Variants in APPBP2 observed in about 807,000 individuals in gnomAD.
The protein encoded by APPBP2 is amyloid protein-binding protein 2.
A neutral mutation model predicts 76.0 loss-of-function variants in APPBP2; 15 were observed. That is an observed-to-expected ratio of 0.20 (90% CI 0.13 to 0.30). The LOEUF is 0.30. APPBP2 is among the 10% of genes least tolerant of loss of function. The pLI is 1.00. For missense variants in APPBP2, 401 were observed against 687.2 expected, an observed-to-expected ratio of 0.58 and a Z score of 4.66; for synonymous variants, 222 against 242.2, an observed-to-expected ratio of 0.92 and a Z score of 0.77.
chr17:60,458,987 G>GA (rs2090454657), intron 9 of APPBP2, among the ~76,000 whole-genome samples: 1 of 151,882 alleles, frequency 6.6e-6, no homozygotes, highest in South Asian at 2.1e-4. Context: ...TGGCCAGGAT[G>GA]GTCTCCATCT....
At chr17:60,463,951 G>A (rs2090492745) in intron 6 of APPBP2, 70 bp downstream of exon 6, 1 of 1,084,598 alleles carries the variant, frequency 9.2e-7, no homozygotes, top group Non-Finnish European at 1.3e-6. Flanking sequence ...TTAAATAACA[G>A]GTTAATTAAA....
At chr17:60,457,240 C>T (rs1412262270) in intron 9 of APPBP2, among the ~76,000 whole-genome samples, 1 of 152,070 alleles carries the variant, frequency 6.6e-6, no homozygotes, top group Non-Finnish European at 1.5e-5. Context: ...GCCCATATCA[C>T]CAAATAGAAG....
chr17:60,485,355 TATTA>T (rs1417880409), intron 3 of APPBP2, among the ~76,000 whole-genome samples: 2 of 152,218 alleles, frequency 1.3e-5, no homozygotes, highest in Admixed American at 6.5e-5. Flanking sequence ...GTTGGTAGGC[TATTA>T]ATTATTGCCT....
rs184834989 is a variant in APPBP2, at chr17:60,505,133, A to G, written c.139-4646T>C. Among the ~76,000 whole-genome samples, 367 of 152,344 alleles carry G rather than the reference A, an allele frequency of 2.4e-3. 2 individuals carry two copies. Among genetic ancestry groups the G allele is most frequent in the African/African-American group, 8.4e-3 (348 of 41,574 alleles). ...ATATATGGTATAGGATTAATATCTC[A>G]AATATTTCACCTAGATTACTGTAAA... On this transcript the variant is annotated intron_variant, in intron 1 of 12. Transcript: ENST00000083182.
chr17:60,519,988 T>C (rs1691736908), intron 1 of APPBP2, among the ~76,000 whole-genome samples: 1 of 151,832 alleles, frequency 6.6e-6, no homozygotes. Flanking sequence ...CTCACTATGT[T>C]GCCCAGGCTG....
At chr17:60,455,783 A>ATTT (rs369294456) in intron 10 of APPBP2, among the ~76,000 whole-genome samples, 7 of 137,358 alleles carry the variant, frequency 5.1e-5, no homozygotes, top group African/African-American at 2.5e-4. Context: ...TGGCTTACTG[A>ATTT]TTTTTTTTTC....
chr17:60,454,972 A>C (rs1475522047), intron 10 of APPBP2, among the ~76,000 whole-genome samples: 3 of 152,184 alleles, frequency 2.0e-5, no homozygotes, highest in Non-Finnish European at 4.4e-5. Flanking sequence ...AAGACATTTC[A>C]ATTTCAAAGC....
chr17:60,450,526 T>C (rs1206620363), intron 12 of APPBP2, among the ~76,000 whole-genome samples: 1 of 151,762 alleles, frequency 6.6e-6, no homozygotes, highest in Non-Finnish European at 1.5e-5. Context: ...CCCAGCACTT[T>C]GGGAGGCTGA....
intron 1 of APPBP2, among the ~76,000 whole-genome samples, chr17:60,521,331 G>A (rs369750430): frequency 3.3e-5 from 5 of 152,118 alleles, no homozygotes; most frequent in Admixed American, 1.3e-4. Context: ...ATTTATAGTC[G>A]TCTAAGTATA....
intron 3 of APPBP2, among the ~76,000 whole-genome samples, chr17:60,486,017 C>G (rs1454393911): frequency 6.6e-6 from 1 of 152,138 alleles, no homozygotes; most frequent in East Asian, 1.9e-4. Context: ...TTTTGAGCGA[C>G]TTTCTTAATC....
At chr17:60,488,576 TGTG>T (rs2090700290) in intron 3 of APPBP2, among the ~76,000 whole-genome samples, 1 of 152,182 alleles carries the variant, frequency 6.6e-6, no homozygotes, top group South Asian at 2.1e-4. Flanking sequence ...TAAAACTTTT[TGTG>T]GTGATGTCTG....
intron 1 of APPBP2, among the ~76,000 whole-genome samples, chr17:60,507,056 TTCTTC>T (rs1035046317): frequency 6.6e-6 from 1 of 152,034 alleles, no homozygotes; most frequent in Non-Finnish European, 1.5e-5. Flanking sequence ...AATTTTTTCT[TTCTTC>T]TCTTTTCAAA....
intron 3 of APPBP2, among the ~76,000 whole-genome samples, chr17:60,492,570 T>C (rs1430218804): frequency 6.6e-6 from 1 of 152,090 alleles, no homozygotes; most frequent in Non-Finnish European, 1.5e-5. Flanking sequence ...AGACATGGAG[T>C]CAGAAAAGAT....
At position 60,513,309 on chromosome 17, in the gene APPBP2, C is replaced by T. The variant is rs993403089; in HGVS notation, c.138+12485G>A. The T allele has an allele frequency of 5.4e-6, 3 of 550,772 alleles. No individual in the cohort carries two copies. The African/African-American group carries it at 5.8e-5, about 11-fold the overall frequency. The allele number at this position is 550,772 out of a possible 1,614,324, so 34.1% of individuals were successfully genotyped here. ...TCAATGTATATTTGGGAAATATGGA[C>T]CTATTCATCAAATCAGAGTGGAAAA... On this transcript the variant is annotated intron_variant, in intron 1 of 12. Coordinates refer to ENST00000083182, the MANE Select transcript of APPBP2 (RefSeq NM_006380.5).
rs775115797 is a variant in APPBP2 at position 60,452,003 on chromosome 17, G to C, written c.1381C>G (p.Gln461Glu). Residue 461 changes from glutamine (Q) to glutamate (E), a missense_variant, in exon 12 of 13, where the codon CAA becomes GAA. This residue lies in a region of APPBP2 where 130 missense variants were observed against 322.7 expected (regional missense o/e 0.40). Coordinates refer to ENST00000083182, the MANE Select transcript of APPBP2 (RefSeq NM_006380.5). ...TCATAATCTTCTTGACCAAGAAGTT[G>C]TTCTTTAATCTGAATTGCTTTGATG... ...MHIKAIQIKE[Q>E]LLGQEDYEVA... 4 of 1,613,626 alleles carry C rather than the reference G, an allele frequency of 2.5e-6. No individual in the cohort carries two copies. The East Asian group carries it at 8.9e-5, about 36-fold the overall frequency.
intron 2 of APPBP2, among the ~76,000 whole-genome samples, chr17:60,500,156 G>A (rs749385586): frequency 2.6e-5 from 4 of 151,848 alleles, no homozygotes; most frequent in Non-Finnish European, 4.4e-5. Context: ...GGACTAAGGC[G>A]CCTACCACCA....
chr17:60,513,260 T>C, intron 1 of APPBP2: 1 of 437,490 alleles, frequency 2.3e-6, no homozygotes. Context: ...TATAAGAAAT[T>C]TGCCATACAC....
intron 1 of APPBP2, among the ~76,000 whole-genome samples, chr17:60,505,617 T>C (rs370479743): frequency 6.8e-6 from 1 of 146,186 alleles, no homozygotes; most frequent in African/African-American, 2.6e-5. Flanking sequence ...GCCTGGCCCA[T>C]AATCCAAAAT....
chr17:60,447,867 A>G, intron 12 of APPBP2, 33 bp from the exon 13 acceptor site: 3 of 1,526,204 alleles, frequency 2.0e-6, no homozygotes, highest in Non-Finnish European at 2.6e-6. Context: ...AAAAAAAAAA[A>G]GCACAAATAA....
Sources: allele counts gnomAD v4.1 joint callset (sites outside exome capture counted in the v4.1 genomes callset), GRCh38; gene constraint gnomAD v4.1.1; regional missense constraint gnomAD v4.1.1; transcripts MANE v1.5; gene names NCBI Gene and HGNC (gene_info 2026-07-23, HGNC 2026-07-21).